Variants in PLCH1 observed in about 807,000 individuals in gnomAD.
PLCH1 encodes the protein phospholipase C eta 1.
PLCH1 carries 60 observed loss-of-function variants against 126.7 expected under a neutral mutation model. The observed-to-expected ratio is 0.47, with a 90% CI of 0.38 to 0.59. The LOEUF (loss-of-function observed/expected upper bound fraction) is 0.59, where lower values mean the gene tolerates loss of function less well. Among genes scored for constraint, PLCH1 ranks in the 20% least tolerant of loss-of-function variants. The pLI, the probability that PLCH1 is intolerant of heterozygous loss-of-function variation, is 0.00. For missense variants in PLCH1, 1,723 were observed against 2,040.0 expected (o/e 0.84, Z 2.99); for synonymous variants, 719 against 734.9 (o/e 0.98, Z 0.35).
intron 2 of PLCH1, among the ~76,000 whole-genome samples, chr3:155,648,110 T>C (rs1340901063): frequency 6.6e-6 from 1 of 152,204 alleles, no homozygotes; most frequent in Non-Finnish European, 1.5e-5. Flanking sequence ...ATAATGTAAC[T>C]GTAATATAGT....
intron 1 of PLCH1, among the ~76,000 whole-genome samples, chr3:155,730,144 T>A (rs570741823): frequency 2.0e-5 from 3 of 152,226 alleles, no homozygotes; most frequent in African/African-American, 7.2e-5. Flanking sequence ...GAGCCTCTAC[T>A]ATATGAAGAT....
At chr3:155,673,988 T>A (rs1295373332) in intron 2 of PLCH1, among the ~76,000 whole-genome samples, 2 of 152,218 alleles carry the variant, frequency 1.3e-5, no homozygotes, top group African/African-American at 2.4e-5. Context: ...TTTCTATCTT[T>A]CAAATGCTTT....
intron 6 of PLCH1, among the ~76,000 whole-genome samples, chr3:155,574,682 C>A (rs990687017): frequency 6.6e-6 from 1 of 152,328 alleles, no homozygotes; most frequent in South Asian, 2.1e-4. Flanking sequence ...AAACTAGCTA[C>A]CTCTAATTCA....
At chr3:155,729,904 G>A (rs1175140309) in intron 1 of PLCH1, among the ~76,000 whole-genome samples, 5 of 135,742 alleles carry the variant, frequency 3.7e-5, no homozygotes, top group African/African-American at 1.5e-4. Context: ...CCGCGTGGGT[G>A]ACACAGCAAG....
At chr3:155,726,423 T>G (rs1462000735) in intron 1 of PLCH1, among the ~76,000 whole-genome samples, 1 of 152,190 alleles carries the variant, frequency 6.6e-6, no homozygotes, top group African/African-American at 2.4e-5. Flanking sequence ...TGGCTTCTAT[T>G]GTTACATTGT....
chr3:155,505,489 C>A (rs1718516988), intron 12 of PLCH1, among the ~76,000 whole-genome samples: 1 of 152,102 alleles, frequency 6.6e-6, no homozygotes, highest in Admixed American at 6.6e-5. Flanking sequence ...AAGCAGGTAA[C>A]CACATAAATG....
At chr3:155,587,427 GATAAAAATTAGT>G (rs1203638736) in intron 4 of PLCH1, among the ~76,000 whole-genome samples, 1 of 152,148 alleles carries the variant, frequency 6.6e-6, no homozygotes, top group African/African-American at 2.4e-5. Context: ...AGAGAAATCT[GATAAAAATTAGT>G]ATGAGAACCA....
intron 1 of PLCH1, 111 bp from the exon 2 acceptor site, chr3:155,704,375 TACA>T: frequency 2.5e-6 from 1 of 397,096 alleles, no homozygotes; most frequent in South Asian, 1.4e-4. Flanking sequence ...ATATACGGCA[TACA>T]ACTTCTCCAC....
chr3:155,737,097 T>G (rs1244296375), intron 1 of PLCH1, among the ~76,000 whole-genome samples: 1 of 151,416 alleles, frequency 6.6e-6, no homozygotes, highest in South Asian at 2.1e-4. Context: ...CCGGGCGTGG[T>G]GGCGCACGTC....
intron 10 of PLCH1, among the ~76,000 whole-genome samples, chr3:155,533,064 A>G (rs1722902772): frequency 6.6e-6 from 1 of 152,182 alleles, no homozygotes; most frequent in African/African-American, 2.4e-5. Flanking sequence ...GAGATGAGGA[A>G]CTTTTTGGGA....
At chr3:155,551,447 A>G (rs1576991809) in intron 9 of PLCH1, among the ~76,000 whole-genome samples, 1 of 6,146 alleles carries the variant, frequency 1.6e-4, no homozygotes, top group African/African-American at 1.9e-3. Context: ...TGCCTCAGAA[A>G]AAAAAAAAAA....
intron 2 of PLCH1, among the ~76,000 whole-genome samples, chr3:155,642,866 A>G (rs2069964926): frequency 6.6e-6 from 1 of 152,198 alleles, no homozygotes; most frequent in South Asian, 2.1e-4. Flanking sequence ...CCAATGGAGT[A>G]TGACAAAAGT....
At chr3:155,613,618 C>A (rs953000937) in intron 2 of PLCH1, among the ~76,000 whole-genome samples, 1 of 152,136 alleles carries the variant, frequency 6.6e-6, no homozygotes, top group Non-Finnish European at 1.5e-5. Flanking sequence ...ATGATTAAAA[C>A]CCTCAGCAAA....
At chr3:155,606,379 T>G (rs1734365050) in intron 2 of PLCH1, among the ~76,000 whole-genome samples, 1 of 152,206 alleles carries the variant, frequency 6.6e-6, no homozygotes, top group Admixed American at 6.5e-5. Context: ...CTGCTCAAAA[T>G]CTAAGACTTC....
rs183051489 is a variant in PLCH1, at chr3:155,688,880, G to A, written c.79+15266C>T. Among the ~76,000 whole-genome samples, 20 of 152,318 alleles carry A rather than the reference G, an allele frequency of 1.3e-4. No individual in the cohort carries two copies. The South Asian group carries it at 1.7e-3, about 13-fold the overall frequency. ...CCTGAGTGCCAGCTTAGCCGCTGTA[G>A]AATAGAACATCAGGTAAATTGCTAA... On this transcript the variant is annotated intron_variant, in intron 2 of 22. Coordinates refer to ENST00000460012, the MANE Select transcript of PLCH1 (RefSeq NM_014996.4).
chr3:155,624,789 A>C (rs1253580764), intron 2 of PLCH1, among the ~76,000 whole-genome samples: 2 of 152,226 alleles, frequency 1.3e-5, no homozygotes, highest in East Asian at 3.8e-4. Context: ...GATAGGAAGA[A>C]TCAATATCGT....
chr3:155,698,593 G>A (rs1746005903), intron 2 of PLCH1, among the ~76,000 whole-genome samples: 2 of 152,130 alleles, frequency 1.3e-5, no homozygotes, highest in South Asian at 2.1e-4. Context: ...AGACAATCTC[G>A]CATTTCTTAA....
At chr3:155,539,093 G>T (rs1368406549) in intron 10 of PLCH1, among the ~76,000 whole-genome samples, 1 of 152,000 alleles carries the variant, frequency 6.6e-6, no homozygotes, top group Admixed American at 6.5e-5. Flanking sequence ...TGCAGGGATG[G>T]TTTCACATGT....
chr3:155,543,853 C>A (rs1233882893), intron 10 of PLCH1, among the ~76,000 whole-genome samples: 1 of 151,526 alleles, frequency 6.6e-6, no homozygotes. Flanking sequence ...GATTTTGTCA[C>A]CACCAGGCCT....
Sources: gnomAD v4.1 joint callset for allele counts (sites outside exome capture counted in the v4.1 genomes callset) on GRCh38, gnomAD v4.1.1 for gene constraint, MANE v1.5 for transcripts, NCBI Gene and HGNC (gene_info 2026-07-23, HGNC 2026-07-21) for gene names.